The following PLPPR4 variants were observed in gnomAD, a reference collection of about 807,000 sequenced individuals.
PLPPR4 encodes the protein phospholipid phosphatase related 4, also known as phospholipid phosphatase-related protein type 4.
In PLPPR4, 24 loss-of-function variants were observed where a neutral mutation model predicts 56.6. That is an observed-to-expected ratio of 0.42 (90% CI 0.31 to 0.60). The LOEUF is 0.60. PLPPR4 is among the 20% of genes least tolerant of loss of function. The pLI, the probability that PLPPR4 is intolerant of heterozygous loss-of-function variation, is 0.13. For synonymous variants in PLPPR4, 326 were observed against 328.1 expected, an observed-to-expected ratio of 0.99 and a Z score of 0.07; for missense variants, 654 against 885.8, an observed-to-expected ratio of 0.74 and a Z score of 3.32.
chr1:99,278,609 A>G (rs1659249689), intron 1 of PLPPR4, among the ~76,000 whole-genome samples: 1 of 152,200 alleles, frequency 6.6e-6, no homozygotes, highest in African/African-American at 2.4e-5. Flanking sequence ...TTCCAAGACA[A>G]TGCACATTCT....
At chr1:99,269,758 T>A (rs1270635989) in intron 1 of PLPPR4, among the ~76,000 whole-genome samples, 1 of 152,198 alleles carries the variant, frequency 6.6e-6, no homozygotes, top group African/African-American at 2.4e-5. Context: ...TATGCAAATA[T>A]ATTTTGACAG....
chr1:99,264,529 C>T lies in PLPPR4; in HGVS notation c.-65C>T, dbSNP rs769483640. On this transcript the variant is annotated 5_prime_UTR_variant, in exon 1 of 7. Coordinates refer to ENST00000370185, the MANE Select transcript of PLPPR4 (RefSeq NM_014839.5). ...GGGCGCTTGGGGCTGGAGGAGGCAG[C>T]TCGCCTCAGCTGCGCTGTGCACACC... 144 of 1,550,394 alleles carry T rather than the reference C, an allele frequency of 9.3e-5. No homozygotes were observed. The highest frequency in any genetic ancestry group is 1.2e-4 in the Non-Finnish European group (136 of 1,147,432).
intron 1 of PLPPR4, among the ~76,000 whole-genome samples, chr1:99,271,178 T>C (rs1252787467): frequency 6.6e-6 from 1 of 152,184 alleles, no homozygotes; most frequent in Non-Finnish European, 1.5e-5. Context: ...TAACAAAGAA[T>C]AGTTCATTTC....
intron 6 of PLPPR4, among the ~76,000 whole-genome samples, chr1:99,303,239 G>T (rs1659930794): frequency 6.6e-6 from 1 of 152,086 alleles, no homozygotes; most frequent in Non-Finnish European, 1.5e-5. Context: ...GAAGTGGAAG[G>T]TGGGGGAACA....
chr1:99,264,100 T>C, upstream of PLPPR4: 1 of 269,542 alleles, frequency 3.7e-6, no homozygotes, highest in East Asian at 7.2e-5. Context: ...TTCTGATCCT[T>C]AGCATTCTTT....
chr1:99,275,120 T>C (rs1435757128), intron 1 of PLPPR4, among the ~76,000 whole-genome samples: 1 of 152,128 alleles, frequency 6.6e-6, no homozygotes, highest in Non-Finnish European at 1.5e-5. Flanking sequence ...ATTTGAGTTA[T>C]TAAAACATGA....
chr1:99,294,568 T>A (rs1358959061), intron 2 of PLPPR4, among the ~76,000 whole-genome samples: 1 of 151,868 alleles, frequency 6.6e-6, no homozygotes, highest in Non-Finnish European at 1.5e-5. Context: ...TGGTGGTGCA[T>A]GCCTATATTC....
At position 99,288,065 on chromosome 1, in the gene PLPPR4, T is replaced by C; in HGVS notation, c.179T>C (p.Leu60Pro). The change falls in exon 2 of 7, where the codon CTT becomes CCT. Residue 60 changes from leucine (L) to proline (P), a missense_variant. Around this residue, in one of 2 missense-constraint regions of PLPPR4, gnomAD observed 186 missense variants for 331.4 expected, o/e 0.56. Transcript: ENST00000370185. The part of the protein sequence containing the change: ...HSGFSCYDRS[L>P]SMPYIEPTQE... ...GGATTTAGCTGCTATGACCGGAGTCTTAGCATGCCGTACATTGAACCAACC... is the reference window on the plus strand; with the variant it reads ...GGATTTAGCTGCTATGACCGGAGTCCTAGCATGCCGTACATTGAACCAACC... 6.2e-7 allele frequency: 1 copy of C among 1,613,674 alleles called. No homozygotes were observed. The highest frequency in any genetic ancestry group is 8.5e-7 in the Non-Finnish European group (1 of 1,179,626).
At chr1:99,293,599 A>G (rs1234889446) in intron 2 of PLPPR4, among the ~76,000 whole-genome samples, 3 of 152,208 alleles carry the variant, frequency 2.0e-5, no homozygotes, top group South Asian at 2.1e-4. Context: ...AAGAATTAAT[A>G]TATCTAATTT....
At chr1:99,272,538 A>T (rs1659083896) in intron 1 of PLPPR4, among the ~76,000 whole-genome samples, 1 of 152,122 alleles carries the variant, frequency 6.6e-6, no homozygotes, top group Non-Finnish European at 1.5e-5. Context: ...TTTCATGACC[A>T]CCTTACATTA....
At chr1:99,273,867 A>G (rs1293384068) in intron 1 of PLPPR4, among the ~76,000 whole-genome samples, 1 of 152,096 alleles carries the variant, frequency 6.6e-6, no homozygotes, top group Non-Finnish European at 1.5e-5. Flanking sequence ...TTGTAAAGTG[A>G]TCATAAATTG....
At chr1:99,280,371 G>C (rs1659292254) in intron 1 of PLPPR4, among the ~76,000 whole-genome samples, 1 of 152,130 alleles carries the variant, frequency 6.6e-6, no homozygotes, top group Non-Finnish European at 1.5e-5. Context: ...AACTTAACTA[G>C]TATCTGGCAC....
chr1:99,308,005 A>T lies in PLPPR4; in HGVS notation c.*995A>T, dbSNP rs1557785238. Reference sequence around the variant, plus strand: ...TACTGCTGTGAATTTGCAAACAAGAAATCTGAGCCAAAACTTGACATTGTG... The same window carrying T: ...TACTGCTGTGAATTTGCAAACAAGATATCTGAGCCAAAACTTGACATTGTG... On this transcript the variant is annotated 3_prime_UTR_variant, in exon 7 of 7. Transcript: ENST00000370185. 2 of 152,226 alleles carry T rather than the reference A, an allele frequency of 1.3e-5. No homozygotes were observed. The highest frequency in any genetic ancestry group is 1.3e-4 in the Admixed American group (2 of 15,274). The allele number at this position is 152,226 out of a possible 1,614,324, so 9.4% of individuals were successfully genotyped here. A position where few individuals can be genotyped will look rare whatever the true frequency, so the allele number is the denominator to read the frequency against.
chr1:99,283,327 G>A (rs928538815), intron 1 of PLPPR4, among the ~76,000 whole-genome samples: 1 of 152,126 alleles, frequency 6.6e-6, no homozygotes, highest in Admixed American at 6.6e-5. Context: ...CCAGTGAAAA[G>A]TAGTTTGTCT....
In PLPPR4 at chr1:99,281,884, C is replaced by A. The variant is rs575768040; in HGVS notation, c.79-6081C>A. Among the ~76,000 whole-genome samples the A allele has an allele frequency of 5.9e-5, 9 of 152,194 alleles. No individual in the cohort carries two copies. In the South Asian group the frequency reaches 1.9e-3, roughly 32 times the overall value. On this transcript the variant is annotated intron_variant, in intron 1 of 6. Coordinates refer to ENST00000370185, the MANE Select transcript of PLPPR4 (RefSeq NM_014839.5). ...TCTTCCTTAATCTCTTAGAATAGCTCTTGCATATGTTTGGCATGAATATAC... is the reference window on the plus strand; with the variant it reads ...TCTTCCTTAATCTCTTAGAATAGCTATTGCATATGTTTGGCATGAATATAC...
Position 99,307,207 on chromosome 1 carries a change from C to T in PLPPR4, c.*197C>T. On this transcript the variant is annotated 3_prime_UTR_variant, in exon 7 of 7. Coordinates refer to ENST00000370185, the MANE Select transcript of PLPPR4 (RefSeq NM_014839.5). The stretch of plus-strand genomic sequence containing the variant: ...GAGAGGGAAAAGCACAATGCAAGAA[C>T]CTAACTAACGTGATGATATGAAGAG... The T allele has an allele frequency of 1.6e-6, 1 of 607,718 alleles. No homozygotes were observed. The highest frequency in any genetic ancestry group is 2.8e-6 in the Non-Finnish European group (1 of 360,044). The allele number at this position is 607,718 out of a possible 1,614,324, so 37.6% of individuals were successfully genotyped here.
intron 5 of PLPPR4, 29 bp downstream of exon 5, chr1:99,300,995 T>A: frequency 6.3e-7 from 1 of 1,592,816 alleles, no homozygotes; most frequent in Non-Finnish European, 8.6e-7. Flanking sequence ...TTTGTTAAGT[T>A]GTGTTCTACA....
At position 99,300,841 on chromosome 1, in the gene PLPPR4, G is replaced by A. The variant is rs979456688; in HGVS notation, c.591-68G>A. The A allele has an allele frequency of 1.9e-5, 22 of 1,179,874 alleles. No homozygotes were observed. In the African/African-American group the frequency reaches 2.7e-4, roughly 15 times the overall value. 73.1% of individuals were successfully genotyped at this position (1,179,874 alleles called of 1,614,324 possible). On this transcript the variant is annotated intron_variant, in intron 4 of 6. Transcript: ENST00000370185. ...AAGTTGAACATTTTAACCACTCAGT[G>A]TCTTTGAGATGATTGCTAGCAGTGT...
Position 99,264,651 on chromosome 1 carries a change from C to A in PLPPR4, c.58C>A (p.Pro20Thr). Reference protein sequence around the residue: ...KVIKDSVTLLPCFYFVELPIL... With the variant: ...KVIKDSVTLLTCFYFVELPIL... ...GATCAAGGACAGCGTCACCCTCCTG[C>A]CCTGCTTTTATTTCGTCGAGGTGAG... The change falls in exon 1 of 7, where the codon CCC becomes ACC. Residue 20 changes from proline (P) to threonine (T), a missense_variant. By Grantham distance (38) the Pro-to-Thr change is conservative (BLOSUM62 -1). This residue lies in a region of PLPPR4 where 186 missense variants were observed against 331.4 expected (regional missense o/e 0.56). Transcript: ENST00000370185. 1 of 1,550,634 alleles carries A rather than the reference C, an allele frequency of 6.4e-7. No homozygotes were observed. Among genetic ancestry groups the A allele is most frequent in the Non-Finnish European group, 8.7e-7 (1 of 1,146,982 alleles).
Sources: gnomAD v4.1 joint callset for allele counts (sites outside exome capture counted in the v4.1 genomes callset) on GRCh38, gnomAD v4.1.1 for gene constraint, gnomAD v4.1.1 regional missense constraint, MANE v1.5 for transcripts, NCBI Gene and HGNC (gene_info 2026-07-23, HGNC 2026-07-21) for gene names.